STIM1: variants seen among roughly 807,000 people sequenced by gnomAD.
STIM1 encodes the protein stromal interaction molecule 1.
STIM1 carries 25 observed loss-of-function variants against 74.7 expected under a neutral mutation model. The observed-to-expected ratio is 0.33, with a 90% CI of 0.24 to 0.47. The LOEUF (loss-of-function observed/expected upper bound fraction) is 0.47, where lower values mean the gene tolerates loss of function less well. Ranked by LOEUF, STIM1 falls within the 20% of genes least tolerant of loss-of-function variation. STIM1 has a pLI of 1.00. For missense variants in STIM1, 728 were observed against 920.8 expected, an observed-to-expected ratio of 0.79 and a Z score of 2.71; for synonymous variants, 328 against 348.8, an observed-to-expected ratio of 0.94 and a Z score of 0.66.
chr11:4,059,023 C>A, intron 4 of STIM1: 1 of 1,000,726 alleles, frequency 1.0e-6, no homozygotes, highest in Non-Finnish European at 1.3e-6. Flanking sequence ...GGAATGGTCA[C>A]AGACAGGTAA....
At chr11:3,900,879 T>G in intron 1 of STIM1, among the ~76,000 whole-genome samples, 1 of 152,184 alleles carries the variant, frequency 6.6e-6, no homozygotes. Context: ...GCTGGCCCAA[T>G]GCATTGTTTT....
chr11:3,889,442 A>G (rs1282810470), intron 1 of STIM1, among the ~76,000 whole-genome samples: 1 of 149,274 alleles, frequency 6.7e-6, no homozygotes, highest in East Asian at 2.0e-4. Flanking sequence ...ATTTTGGCTC[A>G]CTGCAACCTT....
rs143932488 is a variant in STIM1, at chr11:4,086,395, A to G, written c.1568-82A>G. 1.7e-4 allele frequency: 266 copies of G among 1,535,862 alleles called. 1 individual carries two copies. The African/African-American group carries it at 3.1e-3, about 18-fold the overall frequency. On this transcript the variant is annotated intron_variant, in intron 11 of 12. Coordinates refer to ENST00000526596, the MANE Select transcript of STIM1 (RefSeq NM_001382567.1). ...TAGAGGCCCAGGGTGGTCTCCAGCA[A>G]GCATTTATTCATGGGCACCTCCTTA...
chr11:3,859,491 C>T (rs1243303544), intron 1 of STIM1, among the ~76,000 whole-genome samples: 1 of 152,194 alleles, frequency 6.6e-6, no homozygotes, highest in African/African-American at 2.4e-5. Flanking sequence ...GCATGAGGGA[C>T]CTCAGGTGGA....
chr11:4,001,008 A>C (rs1279777386), intron 2 of STIM1, among the ~76,000 whole-genome samples: 1 of 152,246 alleles, frequency 6.6e-6, no homozygotes, highest in Non-Finnish European at 1.5e-5. Flanking sequence ...GAAATGAATG[A>C]AATGAAGCGA....
chr11:3,974,665 C>A (rs557961846), intron 2 of STIM1, among the ~76,000 whole-genome samples: 10 of 151,992 alleles, frequency 6.6e-5, no homozygotes, highest in Non-Finnish European at 1.3e-4. Context: ...TTCTGGATAG[C>A]AGAGGCTATG....
rs2092047988 is a variant in STIM1 at position 3,895,614 on chromosome 11, CTTTCTTTCTTT to C, written c.139+39206_139+39216del. ...TAGTGTTCTTTCTTTCTCTCTCTTTCTTTCTTTCTTTCTTTCTTTCTTTCTTTCTTTCTTTC... is the reference window on the plus strand; with the variant it reads ...TAGTGTTCTTTCTTTCTCTCTCTTTCCTTTCTTTCTTTCTTTCTTTCTTTC... On this transcript the variant is annotated intron_variant, in intron 1 of 12. Coordinates refer to ENST00000526596, the MANE Select transcript of STIM1 (RefSeq NM_001382567.1). 1.4e-4 allele frequency among the ~76,000 whole-genome samples: 9 copies of C among 62,408 alleles called. 1 individual carries two copies. The highest frequency in any genetic ancestry group is 2.8e-4 in the Non-Finnish European group (9 of 32,486). 40.9% of individuals were successfully genotyped at this position (62,408 alleles called of 152,430 possible).
chr11:4,084,639 T>A, intron 10 of STIM1, 34 bp from the exon 11 acceptor site: 1 of 1,287,236 alleles, frequency 7.8e-7, no homozygotes, highest in South Asian at 1.2e-5. Flanking sequence ...TAAATCAGAT[T>A]CTCTTCTCCT....
chr11:3,886,172 T>C (rs578070556), intron 1 of STIM1, among the ~76,000 whole-genome samples: 1 of 152,326 alleles, frequency 6.6e-6, no homozygotes, highest in Admixed American at 6.5e-5. Context: ...ATATAGGTGC[T>C]AAACCATTTG....
intron 4 of STIM1, among the ~76,000 whole-genome samples, chr11:4,058,441 T>A (rs1300133876): frequency 6.6e-6 from 1 of 152,236 alleles, no homozygotes; most frequent in Non-Finnish European, 1.5e-5. Flanking sequence ...CTTTTCTAGC[T>A]GGAGAAATAA....
At chr11:3,881,091 TA>T (rs1169148093) in intron 1 of STIM1, among the ~76,000 whole-genome samples, 1,784 of 130,702 alleles carry the variant, frequency 0.014, 9 homozygotes, top group South Asian at 0.028. Flanking sequence ...GGCCGTTTAT[TA>T]AAAAAAAAAA....
chr11:3,892,651 G>C, intron 1 of STIM1: 9 of 1,610,024 alleles, frequency 5.6e-6, no homozygotes, highest in Non-Finnish European at 6.8e-6. Flanking sequence ...ATTTCTCCCC[G>C]TAGATGGACT....
At chr11:3,871,794 C>T (rs2091105803) in intron 1 of STIM1, among the ~76,000 whole-genome samples, 1 of 152,148 alleles carries the variant, frequency 6.6e-6, no homozygotes, top group African/African-American at 2.4e-5. Context: ...TTACTCTTGA[C>T]TTTTCTGGGC....
At chr11:3,960,846 G>A (rs531790332) in intron 1 of STIM1, among the ~76,000 whole-genome samples, 23 of 152,150 alleles carry the variant, frequency 1.5e-4, no homozygotes, top group South Asian at 1.2e-3. Context: ...TTGCAAAAAT[G>A]TACAATTCTA....
At chr11:3,958,950 TA>T (rs372506065) in intron 1 of STIM1, among the ~76,000 whole-genome samples, 450 of 134,582 alleles carry the variant, frequency 3.3e-3, no homozygotes, top group Admixed American at 2.9e-3. Context: ...AAACTCTGTC[TA>T]AAAAAAAAAA....
intron 1 of STIM1, among the ~76,000 whole-genome samples, chr11:3,869,936 G>A (rs746924512): frequency 6.6e-6 from 1 of 152,152 alleles, no homozygotes; most frequent in Non-Finnish European, 1.5e-5. Flanking sequence ...AAGAGTCAAA[G>A]ATACACCAGT....
intron 3 of STIM1, among the ~76,000 whole-genome samples, chr11:4,054,999 C>T (rs747488626): frequency 5.9e-5 from 9 of 152,324 alleles, no homozygotes; most frequent in Non-Finnish European, 1.2e-4. Flanking sequence ...TGGGAACTAA[C>T]TTCCTCCAGG....
intron 1 of STIM1, among the ~76,000 whole-genome samples, chr11:3,891,615 T>C (rs1189866209): frequency 2.6e-5 from 4 of 152,166 alleles, no homozygotes; most frequent in Non-Finnish European, 1.5e-5. Context: ...TACTTTGATA[T>C]CCTCCTACCA....
chr11:3,933,700 C>G (rs906721510), intron 1 of STIM1, among the ~76,000 whole-genome samples: 2 of 152,150 alleles, frequency 1.3e-5, no homozygotes, highest in African/African-American at 4.8e-5. Flanking sequence ...TCTTCCCCGC[C>G]GCCCGCCGTC....
Sources: allele counts gnomAD v4.1 joint callset (sites outside exome capture counted in the v4.1 genomes callset), GRCh38; gene constraint gnomAD v4.1.1; transcripts MANE v1.5; gene names NCBI Gene and HGNC (gene_info 2026-07-23, HGNC 2026-07-21).